Variants in TUSC3 observed in about 807,000 individuals in gnomAD.
TUSC3 encodes the protein dolichyl-diphosphooligosaccharide--protein glycosyltransferase subunit TUSC3.
In TUSC3, 45 loss-of-function variants were observed where a neutral mutation model predicts 44.8. The observed-to-expected ratio is 1.00, with a 90% CI of 0.79 to 1.29. The LOEUF (loss-of-function observed/expected upper bound fraction) is 1.29. TUSC3 is among the 50% of genes most tolerant of loss of function. The probability of loss-of-function intolerance (pLI) is 0.00; values close to 1 mark genes in which losing one functional copy is unlikely to be tolerated. For missense variants in TUSC3, 519 were observed against 437.9 expected, an observed-to-expected ratio of 1.19 and a Z score of -1.65; for synonymous variants, 212 against 152.9, an observed-to-expected ratio of 1.39 and a Z score of -2.85.
At chr8:15,842,572 G>T in the TUSC3 span, among the ~76,000 whole-genome samples, 1 of 152,226 alleles carries the variant, frequency 6.6e-6, no homozygotes, top group East Asian at 1.9e-4. Flanking sequence ...AAATGATGAG[G>T]GCAGATATTT....
Position 15,623,187 on chromosome 8 carries a change from A to C in TUSC3, c.246A>C (p.Arg82=), listed in dbSNP as rs544770102. ...GAAAATTTATAAAGGCACCACCTCG[A>C]AACTATTCCATGATTGTTATGTTCA... is the stretch of plus-strand genomic sequence containing the variant. ...KFRKFIKAPP[R]NYSMIVMFTA... The change falls in exon 2 of 11, where the codon CGA becomes CGC. Residue 82 remains arginine, a synonymous_variant. Transcript: ENST00000503731. The C allele has an allele frequency of 6.2e-7, 1 of 1,613,674 alleles. No homozygotes were observed. Among genetic ancestry groups the C allele is most frequent in the Admixed American group, 1.7e-5 (1 of 59,998 alleles).
At chr8:15,574,132 A>G (rs762227031) in intron 1 of TUSC3, among the ~76,000 whole-genome samples, 3 of 152,138 alleles carry the variant, frequency 2.0e-5, no homozygotes, top group Non-Finnish European at 4.4e-5. Context: ...CTGGCATTCA[A>G]TTGTCAATCC....
intron 6 of TUSC3, among the ~76,000 whole-genome samples, chr8:15,698,815 T>C (rs1409718056): frequency 3.3e-5 from 5 of 151,994 alleles, no homozygotes; most frequent in Admixed American, 3.3e-4. Context: ...AGTTAACATA[T>C]GAAGTTCTGA....
chr8:15,599,173 A>G (rs574296986), intron 1 of TUSC3, among the ~76,000 whole-genome samples: 2 of 151,954 alleles, frequency 1.3e-5, no homozygotes, highest in Admixed American at 1.3e-4. Flanking sequence ...GCATTTCCCG[A>G]TGACATGTAA....
intron 1 of TUSC3, among the ~76,000 whole-genome samples, chr8:15,555,279 T>C (rs1210790779): frequency 1.5e-5 from 1 of 65,612 alleles, no homozygotes; most frequent in Non-Finnish European, 3.3e-5. Context: ...CAGGCTAATT[T>C]TTTTTTTTTT....
Position 15,757,678 on chromosome 8 carries a change from A to G in TUSC3, c.1029-113A>G. On this transcript the variant is annotated intron_variant, in intron 9 of 10. Coordinates refer to ENST00000503731, the MANE Select transcript of TUSC3 (RefSeq NM_006765.4). ...GGCACCATCGTCTATCCCCTGTCTTATCTAGATAAAGAATGTAGTGCTAAA... is the reference window on the plus strand; with the variant it reads ...GGCACCATCGTCTATCCCCTGTCTTGTCTAGATAAAGAATGTAGTGCTAAA... 8 of 1,344,840 alleles carry G rather than the reference A, an allele frequency of 5.9e-6. No individual in the cohort carries two copies. In the Middle Eastern group the frequency reaches 5.5e-4, roughly 92 times the overall value. 83.3% of individuals were successfully genotyped at this position (1,344,840 alleles called of 1,614,324 possible).
At chr8:15,588,891 T>G (rs956130024) in intron 1 of TUSC3, among the ~76,000 whole-genome samples, 1 of 152,180 alleles carries the variant, frequency 6.6e-6, no homozygotes, top group Admixed American at 6.5e-5. Context: ...TTCTGGATTG[T>G]CTATTCTGTT....
chr8:15,441,991 G>A (rs1243262483), intron 1 of TUSC3, among the ~76,000 whole-genome samples: 3 of 152,162 alleles, frequency 2.0e-5, no homozygotes, highest in Non-Finnish European at 4.4e-5. Flanking sequence ...TTCCCGATAA[G>A]TTGGTTTGTT....
intron 6 of TUSC3, chr8:15,689,003 A>T (rs1261946907): frequency 7.8e-6 from 2 of 256,350 alleles, no homozygotes; most frequent in Middle Eastern, 4.8e-4. Context: ...GGTTACAGTC[A>T]AACAACCGGG....
chr8:15,429,106 T>C (rs1009589015), intron 1 of TUSC3, among the ~76,000 whole-genome samples: 1 of 152,220 alleles, frequency 6.6e-6, no homozygotes, highest in East Asian at 1.9e-4. Flanking sequence ...GCTTTAGGTC[T>C]AACATGTAAG....
chr8:15,773,688 C>T, the TUSC3 span, among the ~76,000 whole-genome samples: 16 of 152,064 alleles, frequency 1.1e-4, no homozygotes, highest in Admixed American at 1.0e-3. Flanking sequence ...TACAATTCTA[C>T]AATAATGGAA....
chr8:15,450,722 A>G (rs1012502978), intron 1 of TUSC3, among the ~76,000 whole-genome samples: 2 of 152,204 alleles, frequency 1.3e-5, no homozygotes, highest in Non-Finnish European at 2.9e-5. Flanking sequence ...AGGCTTTTGG[A>G]GAAAGCCTTA....
At chr8:15,647,650 T>TC (rs1806692863) in intron 2 of TUSC3, among the ~76,000 whole-genome samples, 1 of 152,162 alleles carries the variant, frequency 6.6e-6, no homozygotes, top group Non-Finnish European at 1.5e-5. Context: ...ATCATAGTCT[T>TC]AAGTTTTCTT....
At chr8:15,645,115 A>G (rs1426778166) in intron 2 of TUSC3, among the ~76,000 whole-genome samples, 1 of 152,078 alleles carries the variant, frequency 6.6e-6, no homozygotes, top group Non-Finnish European at 1.5e-5. Context: ...CCAAACCTTC[A>G]TTTTCTTCTC....
At chr8:15,593,232 C>T (rs951570372) in intron 1 of TUSC3, among the ~76,000 whole-genome samples, 4 of 151,954 alleles carry the variant, frequency 2.6e-5, no homozygotes, top group African/African-American at 4.8e-5. Flanking sequence ...ATTATTGGCT[C>T]GTGCCACCAC....
chr8:15,419,313 C>T (rs1257996635), intron 1 of TUSC3, among the ~76,000 whole-genome samples: 1 of 152,162 alleles, frequency 6.6e-6, no homozygotes, highest in East Asian at 1.9e-4. Flanking sequence ...AAAGAATGAG[C>T]TATTGCAGTA....
intron 3 of TUSC3, among the ~76,000 whole-genome samples, chr8:15,658,667 ATATATATACAC>A (rs1327366250): frequency 2.0e-4 from 28 of 139,520 alleles, no homozygotes; most frequent in African/African-American, 2.9e-4. Flanking sequence ...CACAAATACA[ATATATATACAC>A]ATACAATATA....
chr8:15,757,855 G>T lies in TUSC3; in HGVS notation c.*46G>T. 7.2e-7 allele frequency: 1 copy of T among 1,380,586 alleles called. No individual in the cohort carries two copies. The highest frequency in any genetic ancestry group is 1.0e-6 in the Non-Finnish European group (1 of 967,370). 85.5% of individuals were successfully genotyped at this position (1,380,586 alleles called of 1,614,324 possible). On this transcript the variant is annotated splice_region_variant and 3_prime_UTR_variant, in exon 10 of 11. Coordinates refer to ENST00000503731, the MANE Select transcript of TUSC3 (RefSeq NM_006765.4). ...GGCACTTAAAAACTCTATAACCTCA[G>T]GCAAGTCTTTTAATCTTCTCTGAGC... is the stretch of plus-strand genomic sequence containing the variant.
chr8:15,454,125 C>A (rs944828298), intron 1 of TUSC3, among the ~76,000 whole-genome samples: 8 of 152,070 alleles, frequency 5.3e-5, no homozygotes, highest in African/African-American at 1.9e-4. Context: ...GACAGCCCAC[C>A]CCAAGGGAAG....
Sources: gnomAD v4.1 joint callset for allele counts (sites outside exome capture counted in the v4.1 genomes callset) on GRCh38, gnomAD v4.1.1 for gene constraint, MANE v1.5 for transcripts, NCBI Gene and HGNC (gene_info 2026-07-23, HGNC 2026-07-21) for gene names.